LUC7L3: variants seen among roughly 807,000 people sequenced by gnomAD.
LUC7L3 encodes the protein luc7-like protein 3.
In LUC7L3, 6 loss-of-function variants were observed where a neutral mutation model predicts 66.8. The observed-to-expected ratio is 0.09, with a 90% CI of 0.05 to 0.18. LUC7L3 has a LOEUF of 0.18. Among genes scored for constraint, LUC7L3 ranks in the 10% least tolerant of loss-of-function variants. The probability of loss-of-function intolerance (pLI) is 1.00; values close to 1 mark genes in which losing one functional copy is unlikely to be tolerated. For synonymous variants in LUC7L3, 160 were observed against 174.7 expected (o/e 0.92, Z 0.66); for missense variants, 341 against 531.1 (o/e 0.64, Z 3.52).
In LUC7L3 at chr17:50,754,435, G is replaced by T. The variant is rs745779458; in HGVS notation, c.*3774G>T. On this transcript the variant is annotated 3_prime_UTR_variant, in exon 10 of 10. Coordinates refer to ENST00000505658, the MANE Select transcript of LUC7L3 (RefSeq NM_016424.5). ...ATTTAATCTGTAAATAATTCAGCATGTATCTCTAAAAGACAAAGACCTCTT... is the reference window on the plus strand; with the variant it reads ...ATTTAATCTGTAAATAATTCAGCATTTATCTCTAAAAGACAAAGACCTCTT... 6.6e-6 allele frequency: 1 copy of T among 152,112 alleles called. No homozygotes were observed. Among genetic ancestry groups the T allele is most frequent in the African/African-American group, 2.4e-5 (1 of 41,418 alleles). 9.4% of individuals were successfully genotyped at this position (152,112 alleles called of 1,614,324 possible). A position where few individuals can be genotyped will look rare whatever the true frequency, so the allele number is the denominator to read the frequency against.
In LUC7L3 at chr17:50,751,821, G is replaced by T; in HGVS notation, c.*1160G>T. 1 of 1,011,920 alleles carries T rather than the reference G, an allele frequency of 9.9e-7. No homozygotes were observed. Among genetic ancestry groups the T allele is most frequent in the African/African-American group, 1.7e-5 (1 of 57,536 alleles). The allele number at this position is 1,011,920 out of a possible 1,614,324, so 62.7% of individuals were successfully genotyped here. On this transcript the variant is annotated 3_prime_UTR_variant, in exon 10 of 10. Coordinates refer to ENST00000505658, the MANE Select transcript of LUC7L3 (RefSeq NM_016424.5). ...AAAGAACTGATGCACTATATAGAAC[G>T]AATTTGGGTTTTTAAAGAAATATTA...
intron 2 of LUC7L3, among the ~76,000 whole-genome samples, chr17:50,739,595 G>A (rs769099138): frequency 1.4e-4 from 21 of 152,206 alleles, no homozygotes; most frequent in Non-Finnish European, 1.9e-4. Flanking sequence ...CAGAAGTTGC[G>A]GTGAGCCAAA....
intron 2 of LUC7L3, among the ~76,000 whole-genome samples, chr17:50,739,399 C>G (rs1970200399): frequency 6.6e-6 from 1 of 152,170 alleles, no homozygotes; most frequent in Non-Finnish European, 1.5e-5. Flanking sequence ...CACCTGTAAT[C>G]CCAGCACTTT....
At chr17:50,734,066 A>C (rs1969820110) in intron 1 of LUC7L3, among the ~76,000 whole-genome samples, 1 of 152,242 alleles carries the variant, frequency 6.6e-6, no homozygotes, top group South Asian at 2.1e-4. Flanking sequence ...GGAACTTCAG[A>C]AATAATTTTT....
chr17:50,729,895 A>C (rs8075350), intron 1 of LUC7L3, among the ~76,000 whole-genome samples: 1 of 81,152 alleles, frequency 1.2e-5, no homozygotes, highest in Non-Finnish European at 2.5e-5. Context: ...ATATAAATAC[A>C]TTATATATAT....
chr17:50,746,422 A>G (rs1970670745), intron 8 of LUC7L3, 120 bp from the exon 9 acceptor site: 3 of 851,882 alleles, frequency 3.5e-6, no homozygotes, highest in Non-Finnish European at 5.5e-6. Flanking sequence ...TAAGATTTCT[A>G]ATGTAAATAT....
chr17:50,745,850 A>G lies in LUC7L3; in HGVS notation c.824A>G (p.Glu275Gly), dbSNP rs763106939. 1.3e-6 allele frequency: 2 copies of G among 1,591,070 alleles called. No individual in the cohort carries two copies. The highest frequency in any genetic ancestry group is 2.2e-5 in the South Asian group (2 of 89,352). Reference sequence around the variant, plus strand: ...GAAAGAGAAAGGAAAAGACGAAGGGAAGAGGAAGAAAGAGAAAAAGAAAGG... The same window carrying G: ...GAAAGAGAAAGGAAAAGACGAAGGGGAGAGGAAGAAAGAGAAAAAGAAAGG... ...REERERKRRREEEEREKERAR... is the reference protein window; with the variant it reads ...REERERKRRRGEEEREKERAR... The change falls in exon 8 of 10, where the codon GAA (glutamate) becomes GGA (glycine). Residue 275 changes from glutamate (E) to glycine (G), a missense_variant. By Grantham distance (98) the Glu-to-Gly change is moderately conservative. Around this residue, in one of 6 missense-constraint regions of LUC7L3, gnomAD observed 210 missense variants for 238.1 expected, o/e 0.88. Coordinates refer to ENST00000505658, the MANE Select transcript of LUC7L3 (RefSeq NM_016424.5).
intron 2 of LUC7L3, among the ~76,000 whole-genome samples, chr17:50,738,486 T>C (rs1195363737): frequency 6.6e-6 from 1 of 152,190 alleles, no homozygotes; most frequent in Non-Finnish European, 1.5e-5. Flanking sequence ...TTAAGAAATT[T>C]AGTATCTTCA....
chr17:50,737,343 A>G, intron 2 of LUC7L3: 3 of 484,216 alleles, frequency 6.2e-6, no homozygotes, highest in Non-Finnish European at 8.2e-6. Flanking sequence ...GGAAGATGAC[A>G]AGTGGATGGA....
Position 50,736,952 on chromosome 17 carries a change from T to G in LUC7L3, c.100-8T>G, listed in dbSNP as rs763230523. On this transcript the variant is annotated splice_polypyrimidine_tract_variant and splice_region_variant and intron_variant, in intron 1 of 9. Transcript: ENST00000505658. Reference sequence around the variant, plus strand: ...AATTTTTTAAGTACCTTTGTTTTTCTTTACTAGGTTTGTAAATATTATCTC... The same window carrying G: ...AATTTTTTAAGTACCTTTGTTTTTCGTTACTAGGTTTGTAAATATTATCTC... 6.3e-7 allele frequency: 1 copy of G among 1,597,010 alleles called. No individual in the cohort carries two copies. The highest frequency in any genetic ancestry group is 2.2e-5 in the East Asian group (1 of 44,674).
At chr17:50,744,283 A>G (rs755690340) in intron 6 of LUC7L3, among the ~76,000 whole-genome samples, 9 of 152,244 alleles carry the variant, frequency 5.9e-5, no homozygotes, top group Non-Finnish European at 1.0e-4. Flanking sequence ...TGTTCAGATT[A>G]TAGTCAATGT....
intron 1 of LUC7L3, among the ~76,000 whole-genome samples, chr17:50,733,259 T>A (rs1016332200): frequency 2.0e-5 from 3 of 151,978 alleles, no homozygotes; most frequent in Non-Finnish European, 1.5e-5. Flanking sequence ...TTTTTTTTTT[T>A]TTGAGACAGA....
At chr17:50,750,072 A>T (rs566830885) in intron 9 of LUC7L3, among the ~76,000 whole-genome samples, 1 of 152,310 alleles carries the variant, frequency 6.6e-6, no homozygotes, top group East Asian at 1.9e-4. Context: ...TTTTTAAAAC[A>T]TGCCTGTTAT....
chr17:50,737,174 T>C, intron 2 of LUC7L3, 148 bp downstream of exon 2: 1 of 641,830 alleles, frequency 1.6e-6, no homozygotes, highest in Non-Finnish European at 2.7e-6. Context: ...GGTTTAGATA[T>C]TTGAATGTAT....
intron 5 of LUC7L3, among the ~76,000 whole-genome samples, chr17:50,743,017 C>T (rs922722266): frequency 6.6e-6 from 1 of 152,078 alleles, no homozygotes; most frequent in Non-Finnish European, 1.5e-5. Flanking sequence ...TTAGAAAATG[C>T]ATATTAACCT....
chr17:50,751,903 G>A lies in LUC7L3; in HGVS notation c.*1242G>A. On this transcript the variant is annotated 3_prime_UTR_variant, in exon 10 of 10. Coordinates refer to ENST00000505658, the MANE Select transcript of LUC7L3 (RefSeq NM_016424.5). Reference sequence around the variant, plus strand: ...TGTAAACTTCATTCTGTGGGCTAGTGGTGTGGGACAAAATATTCCTAATGA... The same window carrying A: ...TGTAAACTTCATTCTGTGGGCTAGTAGTGTGGGACAAAATATTCCTAATGA... The A allele has an allele frequency of 9.7e-7, 1 of 1,026,384 alleles. No homozygotes were observed. Among genetic ancestry groups the A allele is most frequent in the Non-Finnish European group, 1.2e-6 (1 of 854,426 alleles). The allele number at this position is 1,026,384 out of a possible 1,614,324, so 63.6% of individuals were successfully genotyped here. A position where few individuals can be genotyped will look rare whatever the true frequency, so the allele number is the denominator to read the frequency against.
In LUC7L3 at chr17:50,751,486, G is replaced by T. The variant is rs534137256; in HGVS notation, c.*825G>T. ...TACAAGAAGTGCAGAGGGGTTTTTT[G>T]TGTATTGCGTGAAAACTTATAAAAC... On this transcript the variant is annotated 3_prime_UTR_variant, in exon 10 of 10. Transcript: ENST00000505658. 3 of 1,192,780 alleles carry T rather than the reference G, an allele frequency of 2.5e-6. No individual in the cohort carries two copies. The highest frequency in any genetic ancestry group is 3.2e-6 in the Non-Finnish European group (3 of 941,956). The allele number at this position is 1,192,780 out of a possible 1,614,324, so 73.9% of individuals were successfully genotyped here.
At chr17:50,745,658 G>T in intron 7 of LUC7L3, 62 bp from the exon 8 acceptor site, 2 of 1,333,958 alleles carry the variant, frequency 1.5e-6, no homozygotes, top group South Asian at 2.8e-5. Flanking sequence ...CACATTAGTT[G>T]ACCATTGTTT....
intron 1 of LUC7L3, among the ~76,000 whole-genome samples, chr17:50,733,567 A>C (rs1439064711): frequency 1.3e-5 from 2 of 151,712 alleles, no homozygotes; most frequent in Non-Finnish European, 2.9e-5. Context: ...ACGCCTGGCT[A>C]ATTTTTTGTA....
Sources: allele counts gnomAD v4.1 joint callset (sites outside exome capture counted in the v4.1 genomes callset), GRCh38; gene constraint gnomAD v4.1.1; regional missense constraint gnomAD v4.1.1; transcripts MANE v1.5; gene names NCBI Gene and HGNC (gene_info 2026-07-23, HGNC 2026-07-21).